Variants in GUCY1A2 observed in about 807,000 individuals in gnomAD.
The protein encoded by GUCY1A2 is guanylate cyclase soluble subunit alpha-2.
In GUCY1A2, 27 loss-of-function variants were observed where a neutral mutation model predicts 63.5. That is an observed-to-expected ratio of 0.43 (90% CI 0.31 to 0.59). The LOEUF (loss-of-function observed/expected upper bound fraction) is 0.59, where lower values mean the gene tolerates loss of function less well. GUCY1A2 is among the 20% of genes least tolerant of loss of function. The pLI is 0.11. For missense variants in GUCY1A2, 768 were observed against 913.3 expected (o/e 0.84, Z 2.05); for synonymous variants, 364 against 343.5 (o/e 1.06, Z -0.66).
chr11:106,992,682 T>C (rs1861486653), intron 1 of GUCY1A2, among the ~76,000 whole-genome samples: 1 of 152,164 alleles, frequency 6.6e-6, no homozygotes, highest in Admixed American at 6.5e-5. Flanking sequence ...AGTTTTTTAA[T>C]GTTACATAAA....
intron 4 of GUCY1A2, among the ~76,000 whole-genome samples, chr11:106,873,773 T>C (rs779370115): frequency 5.3e-5 from 8 of 152,198 alleles, no homozygotes; most frequent in Non-Finnish European, 8.8e-5. Context: ...TTTAGTTTAA[T>C]TAGATCCCAT....
At chr11:106,803,491 C>A (rs959800545) in intron 5 of GUCY1A2, among the ~76,000 whole-genome samples, 5 of 152,036 alleles carry the variant, frequency 3.3e-5, no homozygotes, top group African/African-American at 1.2e-4. Context: ...GCGTTGGATA[C>A]ACAATGTTTA....
intron 5 of GUCY1A2, among the ~76,000 whole-genome samples, chr11:106,783,365 C>A (rs982285109): frequency 1.3e-5 from 2 of 152,166 alleles, no homozygotes; most frequent in Non-Finnish European, 2.9e-5. Context: ...CAATAGATGG[C>A]AGATGATCTG....
intron 3 of GUCY1A2, among the ~76,000 whole-genome samples, chr11:106,967,172 T>C (rs953283013): frequency 7.2e-5 from 11 of 152,160 alleles, no homozygotes; most frequent in Non-Finnish European, 1.3e-4. Context: ...TTCTGCTTGT[T>C]CTCTGGCTGA....
chr11:106,880,097 C>A (rs1055943445), intron 4 of GUCY1A2, among the ~76,000 whole-genome samples: 3 of 151,696 alleles, frequency 2.0e-5, no homozygotes, highest in African/African-American at 7.3e-5. Flanking sequence ...TTAAGCATAC[C>A]CTGAGAATGA....
At chr11:106,960,659 C>T (rs775258683) in intron 3 of GUCY1A2, among the ~76,000 whole-genome samples, 9 of 152,102 alleles carry the variant, frequency 5.9e-5, no homozygotes, top group Non-Finnish European at 1.2e-4. Context: ...GTAGAAAATA[C>T]GGACTGGATA....
At chr11:106,860,818 G>C (rs1859501158) in intron 4 of GUCY1A2, among the ~76,000 whole-genome samples, 1 of 151,946 alleles carries the variant, frequency 6.6e-6, no homozygotes, top group African/African-American at 2.4e-5. Flanking sequence ...AATTAAGACA[G>C]TGCATCTTCT....
intron 2 of GUCY1A2, among the ~76,000 whole-genome samples, chr11:106,981,758 C>T (rs1037473389): frequency 8.0e-5 from 12 of 150,674 alleles, no homozygotes; most frequent in African/African-American, 2.9e-4. Flanking sequence ...AAAAAATCAA[C>T]GAAAAAGATG....
At chr11:106,971,636 A>C (rs1443552299) in intron 3 of GUCY1A2, among the ~76,000 whole-genome samples, 3 of 152,154 alleles carry the variant, frequency 2.0e-5, no homozygotes, top group Non-Finnish European at 4.4e-5. Context: ...TGGAGACATC[A>C]GTATTAACTC....
chr11:106,887,918 C>T (rs1357076903), intron 4 of GUCY1A2, among the ~76,000 whole-genome samples: 2 of 152,118 alleles, frequency 1.3e-5, no homozygotes, highest in African/African-American at 2.4e-5. Context: ...AGATTGTCAA[C>T]GGTTGCAATT....
At chr11:106,758,145 C>G (rs1409732092) in intron 6 of GUCY1A2, among the ~76,000 whole-genome samples, 1 of 152,170 alleles carries the variant, frequency 6.6e-6, no homozygotes, top group Non-Finnish European at 1.5e-5. Context: ...ACACTGTGGG[C>G]ATAATACCAC....
At chr11:106,919,366 A>G in intron 4 of GUCY1A2, among the ~76,000 whole-genome samples, 1 of 152,174 alleles carries the variant, frequency 6.6e-6, no homozygotes. Flanking sequence ...AAAAGAGTAG[A>G]TTTTAGATGT....
chr11:106,912,788 G>A (rs997099912), intron 4 of GUCY1A2, among the ~76,000 whole-genome samples: 6 of 152,060 alleles, frequency 3.9e-5, no homozygotes, highest in Non-Finnish European at 7.4e-5. Flanking sequence ...TGTTAACTGT[G>A]CCCTTTAATG....
intron 3 of GUCY1A2, among the ~76,000 whole-genome samples, chr11:106,947,720 T>C (rs1860849545): frequency 6.6e-6 from 1 of 152,052 alleles, no homozygotes; most frequent in Non-Finnish European, 1.5e-5. Flanking sequence ...TACATTCTCT[T>C]GGATTACAGG....
chr11:106,927,684 C>T (rs982216707), intron 4 of GUCY1A2, among the ~76,000 whole-genome samples: 1 of 151,560 alleles, frequency 6.6e-6, no homozygotes, highest in Non-Finnish European at 1.5e-5. Flanking sequence ...CCTGCCTCAA[C>T]GTCCTGAGTA....
At chr11:106,794,010 A>C (rs1321059701) in intron 5 of GUCY1A2, among the ~76,000 whole-genome samples, 1 of 152,188 alleles carries the variant, frequency 6.6e-6, no homozygotes, top group African/African-American at 2.4e-5. Flanking sequence ...TATCCAAAGG[A>C]AATGAAATCA....
chr11:106,940,264 A>ACT, intron 3 of GUCY1A2, 86 bp from the exon 4 acceptor site: 1 of 665,908 alleles, frequency 1.5e-6, no homozygotes, highest in Non-Finnish European at 2.6e-6. Flanking sequence ...CAAAAGAGTA[A>ACT]CTACTGAATA....
chr11:106,924,104 C>G (rs1860486771), intron 4 of GUCY1A2, among the ~76,000 whole-genome samples: 1 of 152,096 alleles, frequency 6.6e-6, no homozygotes, highest in African/African-American at 2.4e-5. Flanking sequence ...TTTCCAGAAG[C>G]AGTACACATA....
At chr11:106,936,333 C>G (rs879834827) in intron 4 of GUCY1A2, among the ~76,000 whole-genome samples, 18 of 152,150 alleles carry the variant, frequency 1.2e-4, no homozygotes, top group Non-Finnish European at 2.6e-4. Flanking sequence ...ATTTGATATA[C>G]ATGGAATGAA....
Sources: allele counts gnomAD v4.1 joint callset (sites outside exome capture counted in the v4.1 genomes callset), GRCh38; gene constraint gnomAD v4.1.1; transcripts MANE v1.5; gene names NCBI Gene and HGNC (gene_info 2026-07-23, HGNC 2026-07-21).